ARID4B: variants seen among roughly 807,000 people sequenced by gnomAD.
ARID4B encodes AT-rich interaction domain 4B.
ARID4B carries 26 observed loss-of-function variants against 147.5 expected under a neutral mutation model. The ratio of observed to expected loss-of-function variants is 0.18; its 90% confidence interval spans 0.13 to 0.24. The LOEUF is 0.24. ARID4B is among the 10% of genes least tolerant of loss of function. ARID4B has a pLI of 1.00. For synonymous variants in ARID4B, 512 were observed against 507.9 expected, an observed-to-expected ratio of 1.01 and a Z score of -0.11; for missense variants, 1,179 against 1,511.5, an observed-to-expected ratio of 0.78 and a Z score of 3.65.
chr1:235,322,278 C>T (rs1278829093), intron 2 of ARID4B, among the ~76,000 whole-genome samples: 3 of 152,104 alleles, frequency 2.0e-5, no homozygotes, highest in Admixed American at 6.5e-5. Flanking sequence ...CCTCAACCTC[C>T]CAAAGTGCTG....
At chr1:235,195,967 T>C in intron 18 of ARID4B, 64 bp downstream of exon 18, 1 of 940,560 alleles carries the variant, frequency 1.1e-6, no homozygotes, top group South Asian at 1.4e-5. Flanking sequence ...CATATTTAAT[T>C]GCATCATTTG....
At chr1:235,228,647 G>GTT (rs11306265) in intron 11 of ARID4B, 17 of 123,000 alleles carry the variant, frequency 1.4e-4, no homozygotes, top group Admixed American at 2.5e-4. Flanking sequence ...TTTTGTTCTC[G>GTT]TTTTTTTTTT....
chr1:235,292,321 T>A (rs1672390680), intron 2 of ARID4B, among the ~76,000 whole-genome samples: 1 of 152,140 alleles, frequency 6.6e-6, no homozygotes, highest in Non-Finnish European at 1.5e-5. Context: ...CTCTTAGAAA[T>A]TCCAAGTTTT....
At chr1:235,223,038 T>G in intron 13 of ARID4B, 128 bp downstream of exon 13, 1 of 639,164 alleles carries the variant, frequency 1.6e-6, no homozygotes, top group Non-Finnish European at 2.6e-6. Context: ...ACTTTCCACT[T>G]TATCTTCTTC....
At chr1:235,252,402 G>A (rs1251992036) in intron 6 of ARID4B, among the ~76,000 whole-genome samples, 1 of 152,018 alleles carries the variant, frequency 6.6e-6, no homozygotes, top group East Asian at 1.9e-4. Flanking sequence ...ACTACGACAA[G>A]GATCAAGTAG....
At chr1:235,309,489 G>C (rs9661301) in intron 2 of ARID4B, among the ~76,000 whole-genome samples, 1 of 122,324 alleles carries the variant, frequency 8.2e-6, no homozygotes, top group Non-Finnish European at 1.8e-5. Flanking sequence ...CTGCCCGGCC[G>C]CCCCTACTGG....
rs548788351 is a variant in ARID4B at position 235,290,070 on chromosome 1, A to T, written c.7-29318T>A. Among the ~76,000 whole-genome samples the T allele has an allele frequency of 6.6e-5, 10 of 151,890 alleles. No individual in the cohort carries two copies. In the South Asian group the frequency reaches 8.3e-4, roughly 13 times the overall value. Reference sequence around the variant, plus strand: ...AACCCACACCATTTTTCACTATCAGATTGGCAAAAATTCAGAAATTCAGAA... The same window carrying T: ...AACCCACACCATTTTTCACTATCAGTTTGGCAAAAATTCAGAAATTCAGAA... On this transcript the variant is annotated intron_variant, in intron 2 of 23. Coordinates refer to ENST00000264183, the MANE Select transcript of ARID4B (RefSeq NM_016374.6).
chr1:235,260,780 T>C (rs780053065), intron 2 of ARID4B, 28 bp from the exon 3 acceptor site: 5 of 1,458,886 alleles, frequency 3.4e-6, no homozygotes, highest in Non-Finnish European at 4.8e-6. Context: ...TATAATTAGA[T>C]TTAAACTCTC....
chr1:235,211,057 G>C (rs529660233), intron 17 of ARID4B, among the ~76,000 whole-genome samples: 1 of 152,276 alleles, frequency 6.6e-6, no homozygotes, highest in South Asian at 2.1e-4. Context: ...GCCTTGGCCG[G>C]GCACGGTGGC....
At chr1:235,275,020 T>TGTGTGTGC (rs1553309178) in intron 2 of ARID4B, among the ~76,000 whole-genome samples, 1 of 148,528 alleles carries the variant, frequency 6.7e-6, no homozygotes. Context: ...TGTGTGTGTG[T>TGTGTGTGC]GTGCACGCGC....
At chr1:235,312,186 T>G (rs1188697621) in intron 2 of ARID4B, among the ~76,000 whole-genome samples, 1 of 149,540 alleles carries the variant, frequency 6.7e-6, no homozygotes, top group African/African-American at 2.5e-5. Flanking sequence ...CTCAGGAGGC[T>G]GAGGCAGGAG....
chr1:235,179,356 G>A (rs575430061), intron 20 of ARID4B, among the ~76,000 whole-genome samples: 2 of 151,496 alleles, frequency 1.3e-5, no homozygotes, highest in African/African-American at 4.8e-5. Flanking sequence ...CCAACATGGC[G>A]AAACCCCATC....
At chr1:235,180,007 T>C (rs1156944588) in intron 20 of ARID4B, 1 of 151,418 alleles carries the variant, frequency 6.6e-6, no homozygotes, top group Admixed American at 6.6e-5. Context: ...GAGACGGAGG[T>C]TGCAGTGAGC....
At chr1:235,265,238 C>A (rs935031271) in intron 2 of ARID4B, among the ~76,000 whole-genome samples, 1 of 151,382 alleles carries the variant, frequency 6.6e-6, no homozygotes, top group African/African-American at 2.4e-5. Flanking sequence ...TGGTGGCGGG[C>A]GCCTGTAATC....
At chr1:235,299,754 T>C (rs140774175) in intron 2 of ARID4B, among the ~76,000 whole-genome samples, 51 of 152,328 alleles carry the variant, frequency 3.3e-4, no homozygotes, top group African/African-American at 1.2e-3. Flanking sequence ...GGTTGGTCTA[T>C]GCCAGAGTTT....
chr1:235,291,224 G>A (rs972083967), intron 2 of ARID4B, among the ~76,000 whole-genome samples: 7 of 151,422 alleles, frequency 4.6e-5, no homozygotes, highest in African/African-American at 1.7e-4. Context: ...TTGAAACCCC[G>A]TCTCTACTAA....
At chr1:235,325,917 C>T (rs1388300958) in intron 2 of ARID4B, among the ~76,000 whole-genome samples, 1 of 152,158 alleles carries the variant, frequency 6.6e-6, no homozygotes, top group Non-Finnish European at 1.5e-5. Flanking sequence ...TCAAAGCAGT[C>T]TTGATTCTGA....
intron 20 of ARID4B, 64 bp from the exon 21 acceptor site, chr1:235,177,977 T>C (rs1163687159): frequency 1.1e-6 from 1 of 920,192 alleles, no homozygotes; most frequent in Non-Finnish European, 1.6e-6. Flanking sequence ...TATAAATTAA[T>C]TCCACATTTT....
intron 16 of ARID4B, among the ~76,000 whole-genome samples, chr1:235,215,478 T>G (rs778647155): frequency 1.3e-5 from 2 of 151,300 alleles, no homozygotes; most frequent in Non-Finnish European, 2.9e-5. Context: ...TATATTAAAA[T>G]ATATGCTATA....
Sources: gnomAD v4.1 joint callset for allele counts (sites outside exome capture counted in the v4.1 genomes callset) on GRCh38, gnomAD v4.1.1 for gene constraint, MANE v1.5 for transcripts, NCBI Gene and HGNC (gene_info 2026-07-23, HGNC 2026-07-21) for gene names.